Variants in PATJ observed in about 807,000 individuals in gnomAD.
PATJ encodes the protein PATJ crumbs cell polarity complex component, also known as inaD-like protein.
Under a neutral mutation model 224.9 loss-of-function variants are expected in PATJ, and 190 were observed. The ratio of observed to expected loss-of-function variants is 0.84; its 90% CI spans 0.75 to 0.95. The LOEUF (loss-of-function observed/expected upper bound fraction) is 0.95, where lower values mean the gene tolerates loss of function less well. Among genes scored for constraint, PATJ ranks in the 40% least tolerant of loss-of-function variants. PATJ has a pLI of 0.00. For synonymous variants in PATJ, 769 were observed against 820.3 expected, an observed-to-expected ratio of 0.94 and a Z score of 1.07; for missense variants, 2,121 against 2,270.3, an observed-to-expected ratio of 0.93 and a Z score of 1.34.
At chr1:61,954,196 G>C (rs1422110735) in intron 27 of PATJ, among the ~76,000 whole-genome samples, 1 of 152,096 alleles carries the variant, frequency 6.6e-6, no homozygotes, top group Non-Finnish European at 1.5e-5. Context: ...TAACTCCAAA[G>C]TATTTTAATA....
At chr1:61,866,868 T>A (rs985061476) in intron 20 of PATJ, among the ~76,000 whole-genome samples, 4 of 152,214 alleles carry the variant, frequency 2.6e-5, no homozygotes, top group Non-Finnish European at 4.4e-5. Flanking sequence ...TTTATAGTTA[T>A]TTTTTGATTA....
intron 27 of PATJ, among the ~76,000 whole-genome samples, chr1:61,943,906 C>A (rs1678239155): frequency 6.6e-6 from 1 of 152,188 alleles, no homozygotes; most frequent in African/African-American, 2.4e-5. Context: ...AAGGATCAGG[C>A]AGCAACATCT....
At chr1:62,111,506 T>C (rs1442009032) in intron 34 of PATJ, among the ~76,000 whole-genome samples, 1 of 152,186 alleles carries the variant, frequency 6.6e-6, no homozygotes, top group East Asian at 1.9e-4. Flanking sequence ...AGGGTTTATT[T>C]CATTTAACCT....
intron 41 of PATJ, among the ~76,000 whole-genome samples, chr1:62,145,466 A>C (rs1667948107): frequency 6.6e-6 from 1 of 152,114 alleles, no homozygotes; most frequent in Admixed American, 6.5e-5. Flanking sequence ...GTTTAAGACC[A>C]GCCTGAGCAA....
At chr1:62,148,558 T>C (rs1272291360) in intron 42 of PATJ, among the ~76,000 whole-genome samples, 168 bp downstream of exon 42, 1 of 152,144 alleles carries the variant, frequency 6.6e-6, no homozygotes, top group Non-Finnish European at 1.5e-5. Context: ...ACCACATGAG[T>C]TCTTGAAAGA....
chr1:61,883,111 T>C (rs79579054), intron 21 of PATJ, among the ~76,000 whole-genome samples: 32 of 152,308 alleles, frequency 2.1e-4, no homozygotes, highest in African/African-American at 7.7e-4. Context: ...AAAGGAGCTT[T>C]CTTTAGTTTA....
At chr1:62,063,500 G>C (rs1037119741) in intron 31 of PATJ, among the ~76,000 whole-genome samples, 3 of 151,742 alleles carry the variant, frequency 2.0e-5, no homozygotes, top group Non-Finnish European at 4.4e-5. Flanking sequence ...CCCTTTTTTG[G>C]TGCCATACAG....
chr1:61,749,588 T>A (rs951831284), intron 1 of PATJ, among the ~76,000 whole-genome samples: 1 of 152,140 alleles, frequency 6.6e-6, no homozygotes, highest in South Asian at 2.1e-4. Context: ...GAAGAAAGTA[T>A]GTATTCCTAC....
At chr1:62,040,482 G>GA (rs1382913108) in intron 30 of PATJ, among the ~76,000 whole-genome samples, 1 of 152,086 alleles carries the variant, frequency 6.6e-6, no homozygotes, top group Non-Finnish European at 1.5e-5. Flanking sequence ...TTATCTCTTA[G>GA]AAAAATGGGA....
rs951818740 is a variant in PATJ at position 61,937,034 on chromosome 1, G to A, written c.3670+9205G>A. On this transcript the variant is annotated intron_variant, in intron 27 of 43. Coordinates refer to ENST00000642238, the MANE Select transcript of PATJ (RefSeq NM_001350145.3). ...TGGCAATGACTCATAGCTTCGAGTCGTTTATTCAGTGCCACTGCAATGAAA... is the reference window on the plus strand; with the variant it reads ...TGGCAATGACTCATAGCTTCGAGTCATTTATTCAGTGCCACTGCAATGAAA... 5.9e-5 allele frequency among the ~76,000 whole-genome samples: 9 copies of A among 152,128 alleles called. No individual in the cohort carries two copies. The East Asian group carries it at 7.7e-4, about 13-fold the overall frequency.
At chr1:62,076,092 A>G (rs1320574720) in intron 31 of PATJ, among the ~76,000 whole-genome samples, 2 of 152,130 alleles carry the variant, frequency 1.3e-5, no homozygotes, top group Non-Finnish European at 2.9e-5. Context: ...ATAAACTGGC[A>G]TCTAGGGATG....
intron 25 of PATJ, among the ~76,000 whole-genome samples, chr1:61,912,402 T>G (rs1488451358): frequency 6.6e-6 from 1 of 151,946 alleles, no homozygotes; most frequent in Non-Finnish European, 1.5e-5. Context: ...GAGACCAGCC[T>G]GGCCAACATG....
chr1:61,775,357 C>A, intron 7 of PATJ, 23 bp downstream of exon 7: 1 of 1,592,316 alleles, frequency 6.3e-7, no homozygotes, highest in South Asian at 1.2e-5. Context: ...TCCTTGTTAT[C>A]ATTTTGGTTT....
In PATJ at chr1:62,027,181, T is replaced by C. The variant is rs576534227; in HGVS notation, c.3959+9234T>C. On this transcript the variant is annotated intron_variant, in intron 29 of 43. Coordinates refer to ENST00000642238, the MANE Select transcript of PATJ (RefSeq NM_001350145.3). ...ACCATTCTACTGTCTGTCTCTGAAT[T>C]TGACTGCCGTAGGTACCTCACATAA... Among the ~76,000 whole-genome samples, 263 of 152,334 alleles carry C rather than the reference T, an allele frequency of 1.7e-3. 2 individuals are homozygous for C. Among genetic ancestry groups the C allele is most frequent in the Non-Finnish European group, 2.8e-3 (188 of 68,024 alleles).
rs553659915 is a variant in PATJ at position 61,884,180 on chromosome 1, T to C, written c.2960-57T>C. On this transcript the variant is annotated intron_variant, in intron 21 of 43. Transcript: ENST00000642238. ...TAGGTGCCCATACCTAGTTGTTGAA[T>C]GACTAAAGGAGAATGAGTGCCTCTT... 4.4e-5 allele frequency: 61 copies of C among 1,376,036 alleles called. No individual in the cohort carries two copies. In the Middle Eastern group the frequency reaches 1.3e-3, roughly 30 times the overall value. 85.2% of individuals were successfully genotyped at this position (1,376,036 alleles called of 1,614,324 possible).
chr1:62,031,916 A>C (rs1339540087), intron 29 of PATJ, among the ~76,000 whole-genome samples: 1 of 152,238 alleles, frequency 6.6e-6, no homozygotes, highest in Non-Finnish European at 1.5e-5. Context: ...TAAGCGGTCA[A>C]ATGTTATGTT....
chr1:61,828,330 A>G (rs1471893821), intron 16 of PATJ, among the ~76,000 whole-genome samples: 1 of 152,056 alleles, frequency 6.6e-6, no homozygotes, highest in Non-Finnish European at 1.5e-5. Flanking sequence ...AGAGAATGAA[A>G]TAACACTTTA....
chr1:61,947,224 CA>C (rs1167372005), intron 27 of PATJ, among the ~76,000 whole-genome samples: 1 of 152,140 alleles, frequency 6.6e-6, no homozygotes, highest in Non-Finnish European at 1.5e-5. Context: ...CCAGGGCAAT[CA>C]GGCAGGAGAA....
chr1:61,846,721 C>G (rs1027449567), intron 17 of PATJ, among the ~76,000 whole-genome samples: 9 of 152,124 alleles, frequency 5.9e-5, no homozygotes, highest in Admixed American at 5.9e-4. Flanking sequence ...CTCAGCCTCG[C>G]GAGTAGCTGG....
Sources: gnomAD v4.1 joint callset for allele counts (sites outside exome capture counted in the v4.1 genomes callset) on GRCh38, gnomAD v4.1.1 for gene constraint, MANE v1.5 for transcripts, NCBI Gene and HGNC (gene_info 2026-07-23, HGNC 2026-07-21) for gene names.